The following INPP4B variants were observed in gnomAD, a reference collection of about 807,000 sequenced individuals.
INPP4B encodes the protein inositol polyphosphate 4-phosphatase type II.
INPP4B carries 55 observed loss-of-function variants against 122.5 expected under a neutral mutation model. The ratio of observed to expected loss-of-function variants is 0.45; its 90% CI spans 0.36 to 0.56. The LOEUF is 0.56. INPP4B is among the 20% of genes least tolerant of loss of function. The pLI, the probability that INPP4B is intolerant of heterozygous loss-of-function variation, is 0.00. For missense variants in INPP4B, 1,000 were observed against 1,097.7 expected (o/e 0.91, Z 1.26); for synonymous variants, 403 against 388.7 (o/e 1.04, Z -0.43).
chr4:142,795,507 T>C (rs1237166534), intron 1 of INPP4B: 1 of 152,008 alleles, frequency 6.6e-6, no homozygotes, highest in Non-Finnish European at 1.5e-5. Flanking sequence ...AGCAAAGAGA[T>C]AGTGCTGTTG....
At chr4:142,822,531 C>A (rs1289726454) in intron 1 of INPP4B, among the ~76,000 whole-genome samples, 1 of 152,092 alleles carries the variant, frequency 6.6e-6, no homozygotes, top group African/African-American at 2.4e-5. Context: ...GTGAACTCTG[C>A]ATGCAGGGGA....
At position 142,750,302 on chromosome 4, in the gene INPP4B, T is replaced by C. The variant is rs140233901; in HGVS notation, c.-253-24401A>G. Among the ~76,000 whole-genome samples the C allele has an allele frequency of 2.5e-3, 387 of 152,152 alleles. 5 individuals carry two copies. The highest frequency in any genetic ancestry group is 0.018 in the East Asian group (95 of 5,186). On this transcript the variant is annotated intron_variant, in intron 1 of 25. Transcript: ENST00000262992. The stretch of plus-strand genomic sequence containing the variant: ...AATCACAAAGCAGATGAACTAATGA[T>C]ATAGAGACTGAAAAATACAGAAAAA...
chr4:142,295,851 A>G (rs937855414), intron 9 of INPP4B, among the ~76,000 whole-genome samples: 3 of 152,164 alleles, frequency 2.0e-5, no homozygotes. Context: ...TTACAAAACA[A>G]CACTGGAAAA....
At chr4:142,059,320 A>C (rs1401256363) in intron 25 of INPP4B, among the ~76,000 whole-genome samples, 4 of 152,114 alleles carry the variant, frequency 2.6e-5, no homozygotes, top group Admixed American at 2.0e-4. Context: ...AGCCCCTGAC[A>C]GTGCCCCATA....
intron 23 of INPP4B, among the ~76,000 whole-genome samples, chr4:142,106,735 A>T (rs1246098150): frequency 1.3e-5 from 2 of 152,164 alleles, no homozygotes; most frequent in Non-Finnish European, 2.9e-5. Context: ...GGCCTATTAA[A>T]ACACAGACTC....
At chr4:142,678,600 A>G (rs1438774871) in intron 2 of INPP4B, among the ~76,000 whole-genome samples, 1 of 151,968 alleles carries the variant, frequency 6.6e-6, no homozygotes, top group African/African-American at 2.4e-5. Flanking sequence ...TAATTAGAAG[A>G]CAGACTTGAC....
chr4:142,061,901 T>C (rs1210388474), intron 25 of INPP4B, among the ~76,000 whole-genome samples: 20 of 2,256 alleles, frequency 8.9e-3, no homozygotes, highest in African/African-American at 0.014. Flanking sequence ...TATATATATA[T>C]ATATATATAT....
intron 3 of INPP4B, among the ~76,000 whole-genome samples, chr4:142,461,128 C>G (rs547307000): frequency 6.6e-6 from 1 of 152,050 alleles, no homozygotes; most frequent in Non-Finnish European, 1.5e-5. Context: ...CCCATGACTG[C>G]GCCACTGCAA....
chr4:142,793,669 C>T (rs1312057870), intron 1 of INPP4B, among the ~76,000 whole-genome samples: 2 of 151,920 alleles, frequency 1.3e-5, no homozygotes, highest in Admixed American at 6.6e-5. Context: ...GGGTGCAGAG[C>T]TAAGCACTTT....
intron 15 of INPP4B, among the ~76,000 whole-genome samples, chr4:142,176,176 T>G (rs776343556): frequency 6.7e-6 from 1 of 149,294 alleles, no homozygotes; most frequent in Non-Finnish European, 1.5e-5. Context: ...CTAGGGTACA[T>G]GTGCATAACA....
chr4:142,419,765 C>T (rs1806475293), intron 5 of INPP4B, among the ~76,000 whole-genome samples: 1 of 152,084 alleles, frequency 6.6e-6, no homozygotes, highest in Admixed American at 6.6e-5. Flanking sequence ...ATGGCGTGGT[C>T]CCCAAGTGAC....
At chr4:142,439,690 T>C (rs1029318983) in intron 3 of INPP4B, among the ~76,000 whole-genome samples, 3 of 152,182 alleles carry the variant, frequency 2.0e-5, no homozygotes, top group Non-Finnish European at 4.4e-5. Flanking sequence ...ATGTTGGTAT[T>C]CCCTATCAGC....
At chr4:142,414,519 GCAGA>G (rs1313924126) in intron 5 of INPP4B, among the ~76,000 whole-genome samples, 1 of 152,258 alleles carries the variant, frequency 6.6e-6, no homozygotes, top group South Asian at 2.1e-4. Context: ...CAGCTGTACA[GCAGA>G]CAGCTTATTT....
At chr4:142,817,264 A>T (rs1346909522) in intron 1 of INPP4B, among the ~76,000 whole-genome samples, 1 of 152,144 alleles carries the variant, frequency 6.6e-6, no homozygotes, top group Non-Finnish European at 1.5e-5. Flanking sequence ...CTACAGTATA[A>T]GAGTTTTTAG....
intron 1 of INPP4B, among the ~76,000 whole-genome samples, chr4:142,842,770 C>A (rs549166370): frequency 7.8e-6 from 1 of 127,820 alleles, no homozygotes; most frequent in Admixed American, 8.8e-5. Context: ...ATAATCCTAA[C>A]ATAATATACT....
chr4:142,146,159 G>A (rs7658492), intron 17 of INPP4B, among the ~76,000 whole-genome samples, 163 bp from the exon 18 acceptor site: 4,366 of 152,204 alleles, frequency 0.029, 192 homozygotes, highest in African/African-American at 0.099. Context: ...GATATATAAT[G>A]AATCTATGTT....
At chr4:142,772,493 C>T (rs1422377471) in intron 1 of INPP4B, among the ~76,000 whole-genome samples, 1 of 152,054 alleles carries the variant, frequency 6.6e-6, no homozygotes, top group African/African-American at 2.4e-5. Flanking sequence ...TTAAATAATG[C>T]ATAGATATCA....
At chr4:142,144,774 G>A (rs1203705065) in intron 18 of INPP4B, among the ~76,000 whole-genome samples, 1 of 152,054 alleles carries the variant, frequency 6.6e-6, no homozygotes, top group Non-Finnish European at 1.5e-5. Context: ...TTTAGAAATG[G>A]TTCTACTGTT....
intron 2 of INPP4B, among the ~76,000 whole-genome samples, chr4:142,694,371 C>CAA (rs1160863312): frequency 2.7e-5 from 2 of 73,604 alleles, no homozygotes; most frequent in African/African-American, 5.1e-5. Flanking sequence ...AGACTCGTCT[C>CAA]AAAAAAAAAA....
Sources: allele counts gnomAD v4.1 joint callset (sites outside exome capture counted in the v4.1 genomes callset), GRCh38; gene constraint gnomAD v4.1.1; transcripts MANE v1.5; gene names NCBI Gene and HGNC (gene_info 2026-07-23, HGNC 2026-07-21).